Variants in SIGLEC8 observed in about 807,000 individuals in gnomAD.
SIGLEC8 encodes the protein sialic acid-binding Ig-like lectin 8.
SIGLEC8 carries 32 observed loss-of-function variants against 42.1 expected under a neutral mutation model. The ratio of observed to expected loss-of-function variants is 0.76; its 90% CI spans 0.57 to 1.02. The LOEUF (loss-of-function observed/expected upper bound fraction) is 1.02, where lower values mean the gene tolerates loss of function less well. SIGLEC8 is among the 50% of genes least tolerant of loss of function. The pLI is 0.00. For synonymous variants in SIGLEC8, 262 were observed against 260.3 expected (o/e 1.01, Z -0.06); for missense variants, 611 against 610.2 (o/e 1.00, Z -0.01).
rs775349884 is a variant in SIGLEC8, at chr19:51,455,489, G to A, written c.980C>T (p.Thr327Ile). 9.5e-5 allele frequency: 153 copies of A among 1,614,064 alleles called. No homozygotes were observed. Among genetic ancestry groups the A allele is most frequent in the Non-Finnish European group, 1.1e-4 (135 of 1,180,008 alleles). ...RVHVRDEGEF[T>I]CRAQNAQGSQ... The stretch of plus-strand genomic sequence containing the variant: ...GCCCTGAGCGTTCTGAGCTCGGCAG[G>A]TGAATTCCCCTTCATCCCTCACGTG... Residue 327 changes from threonine to isoleucine, a missense_variant, in exon 4 of 7, where the codon ACC becomes ATC. Coordinates refer to ENST00000321424, the MANE Select transcript of SIGLEC8 (RefSeq NM_014442.3).
At position 51,452,063 on chromosome 19, in the gene SIGLEC8, GA is replaced by G. The variant is rs1260247701; in HGVS notation, c.*315del. On this transcript the variant is annotated 3_prime_UTR_variant, in exon 7 of 7. Transcript: ENST00000321424. Reference sequence around the variant, plus strand: ...ACAGAGCGAAACTCCATCTCTCAAAGAAAAAAAAATATTCAGTGCTTGATTC... The same window carrying G: ...ACAGAGCGAAACTCCATCTCTCAAAGAAAAAAAATATTCAGTGCTTGATTC... 61 of 198,208 alleles carry G rather than the reference GA, an allele frequency of 3.1e-4. No individual in the cohort carries two copies. The highest frequency in any genetic ancestry group is 1.8e-3 in the Middle Eastern group (1 of 558). 12.3% of individuals were successfully genotyped at this position (198,208 alleles called of 1,614,324 possible).
Position 51,453,523 on chromosome 19 carries a change from C to T in SIGLEC8, c.1245+696G>A, listed in dbSNP as rs569296990. ...CCAGCTGGCCGACATGGTGAAACCC[C>T]GTCTCTACTAAAAATACAAAAATTA... On this transcript the variant is annotated intron_variant, in intron 6 of 6. Coordinates refer to ENST00000321424, the MANE Select transcript of SIGLEC8 (RefSeq NM_014442.3). 7.6e-4 allele frequency: 344 copies of T among 452,310 alleles called. 1 individual carries two copies. The highest frequency in any genetic ancestry group is 6.9e-3 in the African/African-American group (323 of 47,064). 28.0% of individuals were successfully genotyped at this position (452,310 alleles called of 1,614,324 possible). A position where few individuals can be genotyped will look rare whatever the true frequency, so the allele number is the denominator to read the frequency against.
At chr19:51,457,037 G>C (rs546364635) in intron 3 of SIGLEC8, 147 bp downstream of exon 3, 4 of 754,960 alleles carry the variant, frequency 5.3e-6, no homozygotes, top group Non-Finnish European at 9.4e-6. Context: ...ATGGTCACGC[G>C]GGCTGGAGAT....
intron 6 of SIGLEC8, among the ~76,000 whole-genome samples, chr19:51,452,984 G>GC (rs1989401937): frequency 6.6e-6 from 1 of 152,110 alleles, no homozygotes; most frequent in South Asian, 2.1e-4. Context: ...TCCTGCTGAG[G>GC]CCCCCGTGTG....
Position 51,454,552 on chromosome 19 carries a change from C to A in SIGLEC8, c.1148+132G>T. The A allele has an allele frequency of 1.0e-6, 1 of 1,002,824 alleles. No homozygotes were observed. The highest frequency in any genetic ancestry group is 1.5e-5 in the South Asian group (1 of 66,916). The allele number at this position is 1,002,824 out of a possible 1,614,324, so 62.1% of individuals were successfully genotyped here. On this transcript the variant is annotated intron_variant, in intron 5 of 6. Coordinates refer to ENST00000321424, the MANE Select transcript of SIGLEC8 (RefSeq NM_014442.3). This position sits in a 1 kb window ranked among gnomAD's most constrained non-coding sequence, Gnocchi z 4.7. ...ACAAGGACGCTCGTGAAATGCTCAC[C>A]GTGCACCCGTGAGCTCATTCTTGCC...
chr19:51,457,862 G>T, intron 1 of SIGLEC8, 72 bp downstream of exon 1: 3 of 1,562,334 alleles, frequency 1.9e-6, no homozygotes, highest in Non-Finnish European at 2.6e-6. Flanking sequence ...CCCCTCCCAG[G>T]CCCCATCCCA....
rs113617763 is a variant in SIGLEC8 at position 51,454,117 on chromosome 19, G to A, written c.1245+102C>T. The A allele has an allele frequency of 5.1e-4, 796 of 1,556,816 alleles. 6 individuals carry two copies. In the African/African-American group the frequency reaches 9.5e-3, roughly 19 times the overall value. On this transcript the variant is annotated intron_variant, in intron 6 of 6. Transcript: ENST00000321424. This position sits in a 1 kb window ranked among gnomAD's most constrained non-coding sequence, Gnocchi z 4.7. ...CGGCCTGTGGGAAGGAGGAGGAGAC[G>A]AGGAAGTGACTTTGGCCATACCAAA...
chr19:51,458,005 C>T lies in SIGLEC8; in HGVS notation c.383G>A (p.Arg128Lys). 2 of 1,614,188 alleles carry T rather than the reference C, an allele frequency of 1.2e-6. No individual in the cohort carries two copies. Among genetic ancestry groups the T allele is most frequent in the East Asian group, 2.2e-5 (1 of 44,884 alleles). The change falls in exon 1 of 7, where the codon AGA (arginine) becomes AAA (lysine). Residue 128 changes from arginine to lysine, a missense_variant. Coordinates refer to ENST00000321424, the MANE Select transcript of SIGLEC8 (RefSeq NM_014442.3). ...DKGSYFFRLERGSMKWSYKSQ... is the reference protein window; with the variant it reads ...DKGSYFFRLEKGSMKWSYKSQ... ...TTTGTAACTCCATTTCATGCTTCCT[C>T]TCTCTAGCCGAAAGAAATATGACCC...
At position 51,457,491 on chromosome 19, in the gene SIGLEC8, T is replaced by C. The variant is rs531151445; in HGVS notation, c.703A>G (p.Thr235Ala). The change falls in exon 2 of 7, where the codon ACG (threonine) becomes GCG (alanine). Residue 235 changes from threonine to alanine, a missense_variant. Transcript: ENST00000321424. Reference protein sequence around the residue: ...QVTLPGTGVTTTSTVRLDVSY... With the variant: ...QVTLPGTGVTATSTVRLDVSY... ...ACATCGAGGCGGACGGTACTGGTCGTGGTCACACCTGTCCCAGGCAAGGTC... is the reference window on the plus strand; with the variant it reads ...ACATCGAGGCGGACGGTACTGGTCGCGGTCACACCTGTCCCAGGCAAGGTC... 30 of 1,613,706 alleles carry C rather than the reference T, an allele frequency of 1.9e-5. No homozygotes were observed. In the South Asian group the frequency reaches 3.1e-4, roughly 17 times the overall value.
chr19:51,452,938 CA>C (rs916256203), intron 6 of SIGLEC8, among the ~76,000 whole-genome samples: 2 of 152,122 alleles, frequency 1.3e-5, no homozygotes, highest in African/African-American at 2.4e-5. Flanking sequence ...CAGCAGGACC[CA>C]ATCCATCTGT....
At position 51,452,475 on chromosome 19, in the gene SIGLEC8, A is replaced by G. The variant is rs774036442; in HGVS notation, c.1404T>C (p.Ser468=). Residue 468 remains serine, a synonymous_variant, in exon 7 of 7, where the codon AGT becomes AGC. Coordinates refer to ENST00000321424, the MANE Select transcript of SIGLEC8 (RefSeq NM_014442.3). ...TGTGGATCTTGATCTCCGAGTATTC[A>G]CTGTCAGTGGCCTCCTGTCCCTGCG... ...QDPQGQEATD[S]EYSEIKIHKR... is the part of the protein sequence containing the mutation. The G allele has an allele frequency of 7.4e-6, 12 of 1,612,470 alleles. No individual in the cohort carries two copies. Among genetic ancestry groups the G allele is most frequent in the Non-Finnish European group, 9.3e-6 (11 of 1,178,738 alleles).
In SIGLEC8 at chr19:51,452,473, T is replaced by G; in HGVS notation, c.1406A>C (p.Glu469Ala). Residue 469 changes from glutamate to alanine, a missense_variant, in exon 7 of 7, where the codon GAA (glutamate) becomes GCA (alanine). By Grantham distance (107) the Glu-to-Ala change is moderately radical. Coordinates refer to ENST00000321424, the MANE Select transcript of SIGLEC8 (RefSeq NM_014442.3). ...CTTGTGGATCTTGATCTCCGAGTAT[T>G]CACTGTCAGTGGCCTCCTGTCCCTG... ...DPQGQEATDS[E>A]YSEIKIHKRE... 6.2e-7 allele frequency: 1 copy of G among 1,612,744 alleles called. No individual in the cohort carries two copies. The highest frequency in any genetic ancestry group is 8.5e-7 in the Non-Finnish European group (1 of 1,178,822).
In SIGLEC8 at chr19:51,457,470, C is replaced by A. The variant is rs143876593; in HGVS notation, c.724G>T (p.Asp242Tyr). ...GVTTTSTVRLDVSYPPWNLTM... is the reference protein window; with the variant it reads ...GVTTTSTVRLYVSYPPWNLTM... ...TTGGTCCAGCACTCACAGGACACAT[C>A]GAGGCGGACGGTACTGGTCGTGGTC... The change falls in exon 2 of 7, where the codon GAT becomes TAT. Residue 242 changes from aspartate (D) to tyrosine (Y), a missense_variant. Coordinates refer to ENST00000321424, the MANE Select transcript of SIGLEC8 (RefSeq NM_014442.3). 2 of 1,613,676 alleles carry A rather than the reference C, an allele frequency of 1.2e-6. No homozygotes were observed. The highest frequency in any genetic ancestry group is 1.8e-4 in the Middle Eastern group (1 of 5,704).
rs980460700 is a variant in SIGLEC8, at chr19:51,451,430, T to C, written c.*949A>G. On this transcript the variant is annotated 3_prime_UTR_variant, in exon 7 of 7. Coordinates refer to ENST00000321424, the MANE Select transcript of SIGLEC8 (RefSeq NM_014442.3). ...CTTCATCTCCTCAGTGCACCTGTCT[T>C]GTTCCTGAGACTCTAGGCCATTGCT... is the stretch of plus-strand genomic sequence containing the variant. 2.6e-5 allele frequency: 4 copies of C among 152,212 alleles called. No homozygotes were observed. Among genetic ancestry groups the C allele is most frequent in the Admixed American group, 6.5e-5 (1 of 15,284 alleles). 9.4% of individuals were successfully genotyped at this position (152,212 alleles called of 1,614,324 possible).
At position 51,455,469 on chromosome 19, in the gene SIGLEC8, G is replaced by C. The variant is rs756490719; in HGVS notation, c.1000C>G (p.Gln334Glu). The part of the protein sequence containing the change: ...GEFTCRAQNA[Q>E]GSQHISLSLS... ...CTCAGGGAAATGTGCTGGGAGCCCT[G>C]AGCGTTCTGAGCTCGGCAGGTGAAT... Residue 334 changes from glutamine to glutamate, a missense_variant, in exon 4 of 7, where the codon CAG becomes GAG. Physicochemically the swap from Gln to Glu is conservative, Grantham distance 29 (BLOSUM62 2). Coordinates refer to ENST00000321424, the MANE Select transcript of SIGLEC8 (RefSeq NM_014442.3). 6.2e-7 allele frequency: 1 copy of C among 1,614,010 alleles called. No homozygotes were observed. Among genetic ancestry groups the C allele is most frequent in the African/African-American group, 1.3e-5 (1 of 74,930 alleles).
intron 3 of SIGLEC8, among the ~76,000 whole-genome samples, chr19:51,455,924 A>G (rs1408933333): frequency 6.6e-6 from 1 of 152,168 alleles, no homozygotes; most frequent in Admixed American, 6.5e-5. Flanking sequence ...TGTCCTTTGT[A>G]GGGACATGGA....
In SIGLEC8 at chr19:51,458,101, A is replaced by G; in HGVS notation, c.287T>C (p.Phe96Ser). The G allele has an allele frequency of 6.2e-7, 1 of 1,614,154 alleles. No homozygotes were observed. Among genetic ancestry groups the G allele is most frequent in the South Asian group, 1.1e-5 (1 of 91,090 alleles). ...GCTCCAAATGTCCCCAAGGAGTTGG[A>G]ATCGGCCCTGGGTCTCTGCCTGCAC... ...REVQAETQGR[F>S]QLLGDIWSND... Residue 96 changes from phenylalanine (F) to serine (S), a missense_variant, in exon 1 of 7, where the codon TTC (phenylalanine) becomes TCC (serine). Phe to Ser is a radical substitution (Grantham distance 155). Coordinates refer to ENST00000321424, the MANE Select transcript of SIGLEC8 (RefSeq NM_014442.3).
chr19:51,451,133 A>T lies in SIGLEC8; in HGVS notation c.*1246T>A, dbSNP rs536146026. ...CAGGCAAGAGAGAAGAGCAGGGGAA[A>T]CCACCACTTACAAAACCATCAGATC... On this transcript the variant is annotated 3_prime_UTR_variant, in exon 7 of 7. Transcript: ENST00000321424. The T allele has an allele frequency of 6.6e-6, 1 of 152,124 alleles. No homozygotes were observed. Among genetic ancestry groups the T allele is most frequent in the Admixed American group, 6.6e-5 (1 of 15,266 alleles). 9.4% of individuals were successfully genotyped at this position (152,124 alleles called of 1,614,324 possible). A position where few individuals can be genotyped will look rare whatever the true frequency, so the allele number is the denominator to read the frequency against.
rs1457044875 is a variant in SIGLEC8, at chr19:51,458,364, C to T, written c.24G>A (p.Leu8=). 6.3e-7 allele frequency: 1 copy of T among 1,584,946 alleles called. No homozygotes were observed. Among genetic ancestry groups the T allele is most frequent in the Non-Finnish European group, 8.6e-7 (1 of 1,161,532 alleles). ...TCCCCTTTGTCCCCCAGAGCAGGGG[C>T]AGCAGCAGCAGCAGCAGCAGCATGT... is the stretch of plus-strand genomic sequence containing the variant. MLLLLLL[L]PLLWGTKGME... Residue 8 remains leucine, a synonymous_variant, in exon 1 of 7, where the codon CTG becomes CTA. Coordinates refer to ENST00000321424, the MANE Select transcript of SIGLEC8 (RefSeq NM_014442.3).
Sources: gnomAD v4.1 joint callset for allele counts (sites outside exome capture counted in the v4.1 genomes callset) on GRCh38, gnomAD v4.1.1 for gene constraint, Gnocchi (gnomAD v3.1) non-coding constraint, MANE v1.5 for transcripts, NCBI Gene and HGNC (gene_info 2026-07-23, HGNC 2026-07-21) for gene names.